B3GALT1: variants seen among roughly 807,000 people sequenced by gnomAD.
The protein encoded by B3GALT1 is UDP-Gal:betaGlcNAc beta 1,3-galactosyltransferase, polypeptide 1.
B3GALT1 carries 10 observed loss-of-function variants against 23.2 expected under a neutral mutation model. The observed-to-expected ratio is 0.43, with a 90% confidence interval of 0.27 to 0.73. The LOEUF (loss-of-function observed/expected upper bound fraction) is 0.73, where lower values mean the gene tolerates loss of function less well. Ranked by LOEUF, B3GALT1 falls within the 30% of genes least tolerant of loss-of-function variation. The pLI is 0.21. For missense variants in B3GALT1, 299 were observed against 405.4 expected (o/e 0.74, Z 2.25); for synonymous variants, 156 against 141.5 (o/e 1.10, Z -0.73).
rs1409472627 is a variant in B3GALT1, at chr2:167,869,778, G to T, written c.739G>T (p.Val247Leu). Residue 247 changes from valine (V) to leucine (L), a missense_variant, in exon 5 of 5, where the codon GTA becomes TTA. Physicochemically the swap from Val to Leu is conservative, Grantham distance 32 (BLOSUM62 1). Coordinates refer to ENST00000392690, the MANE Select transcript of B3GALT1 (RefSeq NM_020981.4). This position sits in a 1 kb window ranked among gnomAD's most constrained non-coding sequence, Gnocchi z 6.4. ...SGTGYIFSAD[V>L]AELIYKTSLH... ...GACTGGCTACATCTTTTCAGCCGATGTAGCTGAACTCATTTACAAGACCTC... is the reference window on the plus strand; with the variant it reads ...GACTGGCTACATCTTTTCAGCCGATTTAGCTGAACTCATTTACAAGACCTC... 6.2e-7 allele frequency: 1 copy of T among 1,614,164 alleles called. No homozygotes were observed. Among genetic ancestry groups the T allele is most frequent in the Admixed American group, 1.7e-5 (1 of 60,028 alleles).
At chr2:167,847,266 C>T (rs1689780970) in intron 4 of B3GALT1, among the ~76,000 whole-genome samples, 1 of 151,922 alleles carries the variant, frequency 6.6e-6, no homozygotes, top group Non-Finnish European at 1.5e-5. Context: ...ACATTTCATC[C>T]AACAACCACA....
At chr2:167,643,550 G>A (rs1245908171) in intron 2 of B3GALT1, among the ~76,000 whole-genome samples, 1 of 152,144 alleles carries the variant, frequency 6.6e-6, no homozygotes, top group Non-Finnish European at 1.5e-5. Flanking sequence ...TGCTGACCCA[G>A]ACCACTGATA....
intron 1 of B3GALT1, among the ~76,000 whole-genome samples, chr2:167,423,106 C>T (rs1475913740): frequency 6.6e-5 from 10 of 152,108 alleles, no homozygotes; most frequent in South Asian, 2.1e-4. Flanking sequence ...AAGTCATACC[C>T]ATACCAGTCA....
chr2:167,636,444 A>G lies in B3GALT1; in HGVS notation c.-409-10465A>G, dbSNP rs139358274. On this transcript the variant is annotated intron_variant, in intron 2 of 4. Coordinates refer to ENST00000392690, the MANE Select transcript of B3GALT1 (RefSeq NM_020981.4). ...CAGTGTGGTAATTCCTCAAGGATCT[A>G]TAACTAGAAATACCATTTGACCCAG... is the stretch of plus-strand genomic sequence containing the variant. Among the ~76,000 whole-genome samples, 78 of 152,212 alleles carry G rather than the reference A, an allele frequency of 5.1e-4. No homozygotes were observed. In the East Asian group the frequency reaches 0.013, roughly 25 times the overall value.
chr2:167,359,682 G>A (rs1156446693), intron 1 of B3GALT1, among the ~76,000 whole-genome samples: 1 of 151,878 alleles, frequency 6.6e-6, no homozygotes, highest in Non-Finnish European at 1.5e-5. Flanking sequence ...ATTCAAGAAT[G>A]CCATCTTCAC....
At chr2:167,825,437 G>GGGGGGT (rs1553491807) in intron 4 of B3GALT1, among the ~76,000 whole-genome samples, 1 of 144,574 alleles carries the variant, frequency 6.9e-6, no homozygotes, top group East Asian at 2.0e-4. Flanking sequence ...TATATGCAGG[G>GGGGGGT]GTGTGTGTGT....
At chr2:167,413,600 T>A (rs1272487988) in intron 1 of B3GALT1, among the ~76,000 whole-genome samples, 3 of 152,062 alleles carry the variant, frequency 2.0e-5, no homozygotes, top group Non-Finnish European at 4.4e-5. Flanking sequence ...TGTTCATTTT[T>A]AAAGTGTATG....
At chr2:167,644,379 C>T (rs921250550) in intron 2 of B3GALT1, among the ~76,000 whole-genome samples, 10 of 152,128 alleles carry the variant, frequency 6.6e-5, no homozygotes, top group Non-Finnish European at 1.5e-4. Flanking sequence ...GAAAGGAGCA[C>T]TACCATTTAT....
rs548724895 is a variant in B3GALT1, at chr2:167,321,780, C to G, written c.-511+28446C>G. Among the ~76,000 whole-genome samples, 3 of 152,156 alleles carry G rather than the reference C, an allele frequency of 2.0e-5. No individual in the cohort carries two copies. In the South Asian group the frequency reaches 6.2e-4, roughly 32 times the overall value. Reference sequence around the variant, plus strand: ...CTCAGTACCCCATATCCCATTTTAACTGCCACCCTTTCAGCTCCTATTCCA... The same window carrying G: ...CTCAGTACCCCATATCCCATTTTAAGTGCCACCCTTTCAGCTCCTATTCCA... On this transcript the variant is annotated intron_variant, in intron 1 of 4. Coordinates refer to ENST00000392690, the MANE Select transcript of B3GALT1 (RefSeq NM_020981.4).
At chr2:167,301,853 C>T (rs1050602188) in intron 1 of B3GALT1, among the ~76,000 whole-genome samples, 1 of 152,108 alleles carries the variant, frequency 6.6e-6, no homozygotes, top group Non-Finnish European at 1.5e-5. Flanking sequence ...CCAGCCAAGA[C>T]CATAGTCTCC....
At chr2:167,300,592 A>G (rs1159222345) in intron 1 of B3GALT1, among the ~76,000 whole-genome samples, 1 of 152,246 alleles carries the variant, frequency 6.6e-6, no homozygotes, top group Non-Finnish European at 1.5e-5. Flanking sequence ...GCAGAAGAGA[A>G]TAAATGACCT....
intron 3 of B3GALT1, among the ~76,000 whole-genome samples, chr2:167,792,736 T>C (rs1040102231): frequency 2.0e-5 from 3 of 152,182 alleles, no homozygotes; most frequent in African/African-American, 7.2e-5. Context: ...CTGGAAAGGA[T>C]ATTATGGTTA....
chr2:167,391,657 T>C (rs80277891), intron 1 of B3GALT1, among the ~76,000 whole-genome samples: 1 of 152,308 alleles, frequency 6.6e-6, no homozygotes, highest in African/African-American at 2.4e-5. Flanking sequence ...ATCGATAATG[T>C]ACAAGCATTC....
intron 2 of B3GALT1, among the ~76,000 whole-genome samples, chr2:167,630,734 A>C (rs1475015640): frequency 6.6e-6 from 1 of 151,842 alleles, no homozygotes; most frequent in African/African-American, 2.4e-5. Context: ...TATTGTACCA[A>C]ACTTTGTAAT....
At chr2:167,772,640 C>T (rs1688092033) in intron 3 of B3GALT1, among the ~76,000 whole-genome samples, 1 of 152,192 alleles carries the variant, frequency 6.6e-6, no homozygotes, top group Non-Finnish European at 1.5e-5. Flanking sequence ...AGATATGCAG[C>T]ACAAGGCCTT....
intron 1 of B3GALT1, among the ~76,000 whole-genome samples, chr2:167,340,393 C>G (rs1697129454): frequency 6.6e-6 from 1 of 151,478 alleles, no homozygotes; most frequent in African/African-American, 2.4e-5. Context: ...CTTGAGGGAC[C>G]TCTAAAGAAC....
chr2:167,555,599 A>T (rs1683831234), intron 2 of B3GALT1, among the ~76,000 whole-genome samples: 1 of 152,180 alleles, frequency 6.6e-6, no homozygotes, highest in Admixed American at 6.5e-5. Flanking sequence ...CAGACATAAA[A>T]ATAGGCTAAT....
chr2:167,833,340 C>T (rs1275617029), intron 4 of B3GALT1, among the ~76,000 whole-genome samples: 1 of 152,108 alleles, frequency 6.6e-6, no homozygotes, highest in Non-Finnish European at 1.5e-5. Context: ...GGCAGTATCT[C>T]CTGCAGAGGT....
At chr2:167,381,166 C>G (rs1408984636) in intron 1 of B3GALT1, among the ~76,000 whole-genome samples, 1 of 152,146 alleles carries the variant, frequency 6.6e-6, no homozygotes, top group African/African-American at 2.4e-5. Flanking sequence ...CTCCCAGGCT[C>G]AAGCGATCCT....
Sources: gnomAD v4.1 joint callset for allele counts (sites outside exome capture counted in the v4.1 genomes callset) on GRCh38, gnomAD v4.1.1 for gene constraint, Gnocchi (gnomAD v3.1) non-coding constraint, MANE v1.5 for transcripts, NCBI Gene and HGNC (gene_info 2026-07-23, HGNC 2026-07-21) for gene names.